TTC23: variants seen among roughly 807,000 people sequenced by gnomAD.
TTC23 encodes the protein tetratricopeptide repeat protein 23.
In TTC23, 58 loss-of-function variants were observed where a neutral mutation model predicts 55.1. That is an observed-to-expected ratio of 1.05 (90% CI 0.85 to 1.31). TTC23 has a LOEUF of 1.31. Ranked by LOEUF, TTC23 falls within the 50% of genes most tolerant of loss-of-function variation. The pLI is 0.00. For missense variants in TTC23, 516 were observed against 534.4 expected, an observed-to-expected ratio of 0.97 and a Z score of 0.34; for synonymous variants, 203 against 199.9, an observed-to-expected ratio of 1.02 and a Z score of -0.13.
At position 99,199,404 on chromosome 15, in the gene TTC23, CAA is replaced by C. The variant is rs35189767; in HGVS notation, c.759+513_759+514del. Reference sequence around the variant, plus strand: ...GCAACATGATGAAACCCTGTCTCTCCAAAAAAAAAAAAAAAAAAAAAAATCTA... The same window carrying C: ...GCAACATGATGAAACCCTGTCTCTCCAAAAAAAAAAAAAAAAAAAAATCTA... On this transcript the variant is annotated intron_variant, in intron 9 of 13. Transcript: ENST00000394132. Among the ~76,000 whole-genome samples, 375 of 58,184 alleles carry C rather than the reference CAA, an allele frequency of 6.4e-3. 1 individual carries two copies. Among genetic ancestry groups the C allele is most frequent in the African/African-American group, 0.021 (341 of 16,318 alleles). The allele number at this position is 58,184 out of a possible 152,430, so 38.2% of individuals were successfully genotyped here.
chr15:99,159,739 G>A (rs2071098003), intron 11 of TTC23: 1 of 152,254 alleles, frequency 6.6e-6, no homozygotes, highest in African/African-American at 2.4e-5. Flanking sequence ...GGGAGCCAGT[G>A]GACTGGCTTT....
chr15:99,140,411 C>T (rs955626083), intron 12 of TTC23: 1 of 152,070 alleles, frequency 6.6e-6, no homozygotes, highest in African/African-American at 2.4e-5. Flanking sequence ...CTCTGTCGCC[C>T]AGACTGGAGT....
intron 5 of TTC23, 151 bp downstream of exon 5, chr15:99,228,382 T>TC (rs2078641658): frequency 1.7e-6 from 1 of 592,124 alleles, no homozygotes; most frequent in East Asian, 3.0e-5. Context: ...GGTACTGCAT[T>TC]CATTCATGTT....
intron 10 of TTC23, among the ~76,000 whole-genome samples, chr15:99,163,109 A>ACAAAAACAAC (rs55764668): frequency 8.1e-6 from 1 of 122,848 alleles, no homozygotes; most frequent in Non-Finnish European, 1.8e-5. Context: ...AAACAAACAA[A>ACAAAAACAAC]AACAACAACA....
chr15:99,235,264 C>G (rs576162130), intron 3 of TTC23, among the ~76,000 whole-genome samples, 184 bp from the exon 4 acceptor site: 1 of 151,466 alleles, frequency 6.6e-6, no homozygotes, highest in Non-Finnish European at 1.5e-5. Context: ...CAAAACAAAA[C>G]AAAATTGTAG....
intron 8 of TTC23, among the ~76,000 whole-genome samples, chr15:99,215,963 G>C (rs2077449016): frequency 6.6e-6 from 1 of 152,074 alleles, no homozygotes; most frequent in Non-Finnish European, 1.5e-5. Flanking sequence ...TACCAAAAGA[G>C]AGCTAGGATA....
chr15:99,221,847 A>C lies in TTC23; in HGVS notation c.198T>G (p.His66Gln). ...SNSHEYKQAV[H>Q]ELVRCVALTR... ...TCAGTGCTACGCAACGCACAAGCTC[A>C]TGGACGGCCTGTTTGTACTGTTAGG... Residue 66 changes from histidine to glutamine, a missense_variant, in exon 6 of 14, where the codon CAT becomes CAG. His to Gln is a conservative substitution (Grantham distance 24). Coordinates refer to ENST00000394132, the MANE Select transcript of TTC23 (RefSeq NM_001288615.3). The C allele has an allele frequency of 1.2e-6, 2 of 1,613,930 alleles. No homozygotes were observed. Among genetic ancestry groups the C allele is most frequent in the Non-Finnish European group, 1.7e-6 (2 of 1,179,884 alleles).
rs763986143 is a variant in TTC23, at chr15:99,200,083, G to C, written c.595C>G (p.Gln199Glu). The change falls in exon 9 of 14, where the codon CAG (glutamine) becomes GAG (glutamate). Residue 199 changes from glutamine to glutamate, a missense_variant. Physicochemically the swap from Gln to Glu is conservative, Grantham distance 29. Coordinates refer to ENST00000394132, the MANE Select transcript of TTC23 (RefSeq NM_001288615.3). ...RLSFAQVYQG[Q>E]KKSKEALSHY... is the part of the protein sequence containing the mutation. ...GACAAAGCTTCTTTTGACTTCTTCT[G>C]ACCTTGATACACCCTAAAAAAATCA... 1.2e-6 allele frequency: 2 copies of C among 1,605,482 alleles called. No individual in the cohort carries two copies. Among genetic ancestry groups the C allele is most frequent in the Non-Finnish European group, 8.5e-7 (1 of 1,176,010 alleles).
At chr15:99,203,432 A>G (rs1417441191) in intron 8 of TTC23, among the ~76,000 whole-genome samples, 1 of 152,166 alleles carries the variant, frequency 6.6e-6, no homozygotes, top group Non-Finnish European at 1.5e-5. Context: ...GGGTTATAGC[A>G]TACCCATCAC....
intron 10 of TTC23, among the ~76,000 whole-genome samples, chr15:99,172,020 A>AT (rs368669705): frequency 0.015 from 2,019 of 138,756 alleles, 37 homozygotes; most frequent in African/African-American, 0.04. Flanking sequence ...TGTTTCTCAC[A>AT]TTTTTTTTTT....
intron 1 of TTC23, chr15:99,248,447 C>T (rs1002316881): frequency 2.0e-5 from 3 of 152,200 alleles, no homozygotes; most frequent in Non-Finnish European, 2.9e-5. Context: ...CTTCCTCAGG[C>T]TGCATGTATT....
rs1294580290 is a variant in TTC23 at position 99,138,054 on chromosome 15, C to T, written c.1300G>A (p.Asp434Asn). ...KVAFCTSIPQ[D>N]TLLGKARPGT... is the part of the protein sequence containing the mutation. Reference sequence around the variant, plus strand: ...GGCCGGGCCTTCCCCAGCAGGGTGTCCTGAGGGATGCTGGTGCAGAAGGCC... The same window carrying T: ...GGCCGGGCCTTCCCCAGCAGGGTGTTCTGAGGGATGCTGGTGCAGAAGGCC... Residue 434 changes from aspartate (D) to asparagine (N), a missense_variant, in exon 14 of 14, where the codon GAC (aspartate) becomes AAC (asparagine). Physicochemically the swap from Asp to Asn is conservative, Grantham distance 23. Coordinates refer to ENST00000394132, the MANE Select transcript of TTC23 (RefSeq NM_001288615.3). 6.2e-7 allele frequency: 1 copy of T among 1,613,926 alleles called. No individual in the cohort carries two copies. Among genetic ancestry groups the T allele is most frequent in the African/African-American group, 1.3e-5 (1 of 74,928 alleles).
Position 99,145,925 on chromosome 15 carries a change from G to A in TTC23, c.1144-6526C>T, listed in dbSNP as rs142670363. 1.5e-3 allele frequency among the ~76,000 whole-genome samples: 224 copies of A among 152,258 alleles called. 1 individual carries two copies. The highest frequency in any genetic ancestry group is 4.6e-3 in the African/African-American group (192 of 41,542). ...TGCCACCCGCACAACTCCTCAGAGC[G>A]GACTCTTTCAGAAAGCTCGCCCTGA... On this transcript the variant is annotated intron_variant, in intron 12 of 13. Coordinates refer to ENST00000394132, the MANE Select transcript of TTC23 (RefSeq NM_001288615.3).
At chr15:99,158,951 T>C (rs1419061243) in intron 11 of TTC23, 1 of 152,336 alleles carries the variant, frequency 6.6e-6, no homozygotes, top group East Asian at 1.9e-4. Context: ...GGCAGGAGCA[T>C]GGGGAGGGCT....
intron 5 of TTC23, among the ~76,000 whole-genome samples, chr15:99,224,608 C>T (rs1371404355): frequency 2.6e-5 from 4 of 152,092 alleles, no homozygotes; most frequent in Non-Finnish European, 4.4e-5. Flanking sequence ...TTGCACATAC[C>T]CATAAACATT....
At chr15:99,162,624 G>A (rs1290340741) in intron 10 of TTC23, among the ~76,000 whole-genome samples, 2 of 152,150 alleles carry the variant, frequency 1.3e-5, no homozygotes, top group South Asian at 4.1e-4. Context: ...AGCTGAATAG[G>A]ACTCCCTGCA....
intron 9 of TTC23, among the ~76,000 whole-genome samples, chr15:99,190,185 G>GAAAC (rs2075113321): frequency 6.7e-6 from 1 of 149,728 alleles, no homozygotes; most frequent in East Asian, 2.0e-4. Context: ...TCTAAAAAAA[G>GAAAC]AAAGAAAGAA....
At chr15:99,138,182 T>G in intron 13 of TTC23, 55 bp from the exon 14 acceptor site, 2 of 1,598,632 alleles carry the variant, frequency 1.3e-6, no homozygotes, top group South Asian at 2.2e-5. Context: ...CCCCACACCG[T>G]TCCCATCCAG....
chr15:99,227,076 G>C (rs999937511), intron 5 of TTC23, among the ~76,000 whole-genome samples: 1 of 152,214 alleles, frequency 6.6e-6, no homozygotes, highest in Non-Finnish European at 1.5e-5. Flanking sequence ...AAGTCTGTTT[G>C]AGAAAGGCTG....
Sources: gnomAD v4.1 joint callset for allele counts (sites outside exome capture counted in the v4.1 genomes callset) on GRCh38, gnomAD v4.1.1 for gene constraint, MANE v1.5 for transcripts, NCBI Gene and HGNC (gene_info 2026-07-23, HGNC 2026-07-21) for gene names.